The following RNF152 variants were observed in gnomAD, a reference collection of about 807,000 sequenced individuals.
RNF152 encodes the protein ring finger protein 152, also known as E3 ubiquitin-protein ligase RNF152.
In RNF152, 11 loss-of-function variants were observed where a neutral mutation model predicts 12.7. The observed-to-expected ratio is 0.86, with a 90% confidence interval of 0.54 to 1.43. RNF152 has a LOEUF of 1.43. Ranked by LOEUF, RNF152 falls within the 40% of genes most tolerant of loss-of-function variation. The pLI is 0.00. For missense variants in RNF152, 255 were observed against 274.8 expected (o/e 0.93, Z 0.51); for synonymous variants, 113 against 120.3 (o/e 0.94, Z 0.40).
At chr18:61,837,230 G>A (rs757170972) in intron 1 of RNF152, among the ~76,000 whole-genome samples, 3 of 152,168 alleles carry the variant, frequency 2.0e-5, no homozygotes, top group Non-Finnish European at 4.4e-5. Flanking sequence ...AAAAAGCAAC[G>A]AGATTGTTCT....
Position 61,816,210 on chromosome 18 carries a change from G to C in RNF152, c.254C>G (p.Ser85Cys). The C allele has an allele frequency of 6.2e-7, 1 of 1,614,244 alleles. No homozygotes were observed. Among genetic ancestry groups the C allele is most frequent in the Admixed American group, 1.7e-5 (1 of 60,038 alleles). The change falls in exon 2 of 2, where the codon TCC becomes TGC. Residue 85 changes from serine (S) to cysteine (C), a missense_variant. Coordinates refer to ENST00000312828, the MANE Select transcript of RNF152 (RefSeq NM_173557.3). Reference sequence around the variant, plus strand: ...TTTGATGAAGACCGGGGTGTGTTCGGAAGTGTGTGGAATGGCGATGACAGC... The same window carrying C: ...TTTGATGAAGACCGGGGTGTGTTCGCAAGTGTGTGGAATGGCGATGACAGC... ...VLAVIAIPHT[S>C]EHTPVFIKLP...
chr18:61,894,093 C>T (rs191212552), upstream of RNF152: 1 of 152,260 alleles, frequency 6.6e-6, no homozygotes, highest in Non-Finnish European at 1.5e-5. This position sits in a 1 kb window ranked among gnomAD's most constrained non-coding sequence, Gnocchi z 4.9. Context: ...GCGCACCCCT[C>T]TGTCCGCCCC....
intron 1 of RNF152, among the ~76,000 whole-genome samples, chr18:61,821,768 G>A (rs1045314136): frequency 6.6e-6 from 1 of 152,200 alleles, no homozygotes; most frequent in Admixed American, 6.5e-5. Flanking sequence ...GATCAGCGAT[G>A]GCATTAGATT....
intron 1 of RNF152, among the ~76,000 whole-genome samples, chr18:61,817,819 G>A (rs553968823): frequency 6.6e-6 from 1 of 151,934 alleles, no homozygotes; most frequent in East Asian, 1.9e-4. Context: ...CTGAAGTTTG[G>A]GAATGTCCTC....
upstream of RNF152, chr18:61,893,659 CT>C (rs1219441563): frequency 6.6e-6 from 1 of 152,542 alleles, no homozygotes; most frequent in Non-Finnish European, 1.5e-5. Flanking sequence ...GGGGCAACTT[CT>C]AGGGCTGGAG....
At chr18:61,867,141 G>C (rs1461145754) in intron 1 of RNF152, among the ~76,000 whole-genome samples, 1 of 152,168 alleles carries the variant, frequency 6.6e-6, no homozygotes, top group Non-Finnish European at 1.5e-5. Context: ...GAACTCAAGA[G>C]TTACCCATGC....
At chr18:61,831,800 G>A (rs893025427) in intron 1 of RNF152, among the ~76,000 whole-genome samples, 4 of 151,980 alleles carry the variant, frequency 2.6e-5, no homozygotes, top group African/African-American at 7.3e-5. Flanking sequence ...AAAGTGTCCT[G>A]TCAAATGGTA....
chr18:61,894,127 GAAAC>G (rs1913108443), upstream of RNF152: 1 of 152,244 alleles, frequency 6.6e-6, no homozygotes, highest in Admixed American at 6.5e-5. This position sits in a 1 kb window ranked among gnomAD's most constrained non-coding sequence, Gnocchi z 4.9. Flanking sequence ...GCAGAGCAGA[GAAAC>G]AAACCGAAAC....
intron 1 of RNF152, among the ~76,000 whole-genome samples, chr18:61,822,910 A>G (rs2144629276): frequency 6.6e-6 from 1 of 152,384 alleles, no homozygotes; most frequent in Non-Finnish European, 1.5e-5. Context: ...CTTCAACAAA[A>G]TATAAATATT....
chr18:61,819,485 A>G (rs1568262002), intron 1 of RNF152, among the ~76,000 whole-genome samples: 1 of 152,208 alleles, frequency 6.6e-6, no homozygotes, highest in Non-Finnish European at 1.5e-5. Flanking sequence ...GCTGAAGTGA[A>G]TAGTGATGAT....
intron 1 of RNF152, among the ~76,000 whole-genome samples, chr18:61,818,538 T>C (rs1205104237): frequency 2.0e-5 from 3 of 152,190 alleles, no homozygotes; most frequent in Non-Finnish European, 2.9e-5. Flanking sequence ...TTAAAATACA[T>C]TAGCTATATT....
chr18:61,871,976 C>T (rs962416992), intron 1 of RNF152, among the ~76,000 whole-genome samples: 3 of 152,062 alleles, frequency 2.0e-5, no homozygotes, highest in African/African-American at 4.8e-5. Context: ...ACACTTAAGA[C>T]TGGGTAATTT....
chr18:61,881,484 C>G (rs1912460612), intron 1 of RNF152, among the ~76,000 whole-genome samples: 2 of 152,104 alleles, frequency 1.3e-5, no homozygotes, highest in African/African-American at 4.8e-5. Flanking sequence ...GGCAAACAAC[C>G]CATTTCTAGG....
intron 1 of RNF152, among the ~76,000 whole-genome samples, chr18:61,879,762 G>A (rs1390226504): frequency 2.0e-5 from 3 of 151,940 alleles, no homozygotes; most frequent in East Asian, 1.9e-4. Context: ...TCAGGAGTTC[G>A]AGACCAGCCT....
chr18:61,868,079 G>T (rs138553749), intron 1 of RNF152, among the ~76,000 whole-genome samples: 30 of 152,254 alleles, frequency 2.0e-4, no homozygotes, highest in African/African-American at 7.0e-4. Flanking sequence ...GAGATTCATG[G>T]TAATGTGTGC....
chr18:61,834,932 G>T (rs976086321), intron 1 of RNF152, among the ~76,000 whole-genome samples: 1 of 152,116 alleles, frequency 6.6e-6, no homozygotes, highest in Non-Finnish European at 1.5e-5. Flanking sequence ...TGGGGGTAGG[G>T]TCCCACTGCA....
intron 1 of RNF152, among the ~76,000 whole-genome samples, chr18:61,846,158 A>G (rs968845849): frequency 6.6e-6 from 1 of 152,150 alleles, no homozygotes; most frequent in Non-Finnish European, 1.5e-5. Context: ...CTATGGTATT[A>G]TATTATAGCA....
intron 1 of RNF152, among the ~76,000 whole-genome samples, chr18:61,869,284 T>C (rs74626521): frequency 0.032 from 4,853 of 152,128 alleles, 267 homozygotes; most frequent in African/African-American, 0.11. Context: ...CTGTCAGGGG[T>C]CTTCTTCCAA....
At chr18:61,822,736 G>A (rs1379416794) in intron 1 of RNF152, among the ~76,000 whole-genome samples, 8 of 152,028 alleles carry the variant, frequency 5.3e-5, no homozygotes, top group South Asian at 4.2e-4. Context: ...TGATTACATC[G>A]GGCTGACCTT....
Sources: gnomAD v4.1 joint callset for allele counts (sites outside exome capture counted in the v4.1 genomes callset) on GRCh38, gnomAD v4.1.1 for gene constraint, Gnocchi (gnomAD v3.1) non-coding constraint, MANE v1.5 for transcripts, NCBI Gene and HGNC (gene_info 2026-07-23, HGNC 2026-07-21) for gene names.